The following LCLAT1 variants were observed in gnomAD, a reference collection of about 807,000 sequenced individuals.
LCLAT1 encodes 1-AGP acyltransferase 8.
In LCLAT1, 11 loss-of-function variants were observed where a neutral mutation model predicts 30.7. That is an observed-to-expected ratio of 0.36 (90% CI 0.23 to 0.59). The LOEUF (loss-of-function observed/expected upper bound fraction) is 0.59, where lower values mean the gene tolerates loss of function less well. Among genes scored for constraint, LCLAT1 ranks in the 20% least tolerant of loss-of-function variants. LCLAT1 has a pLI of 0.77. For missense variants in LCLAT1, 402 were observed against 458.6 expected, an observed-to-expected ratio of 0.88 and a Z score of 1.13; for synonymous variants, 155 against 151.3, an observed-to-expected ratio of 1.02 and a Z score of -0.18.
intron 5 of LCLAT1, among the ~76,000 whole-genome samples, chr2:30,639,780 G>A (rs1669210439): frequency 6.6e-6 from 1 of 152,164 alleles, no homozygotes; most frequent in South Asian, 2.1e-4. Flanking sequence ...GAATTCTATT[G>A]GTGTTTAAGG....
intron 3 of LCLAT1, among the ~76,000 whole-genome samples, chr2:30,546,441 A>T (rs1467209407): frequency 6.6e-6 from 1 of 152,182 alleles, no homozygotes; most frequent in African/African-American, 2.4e-5. Context: ...TTACCTTTTT[A>T]GTACACTATA....
At chr2:30,599,597 G>A (rs1001652581) in intron 5 of LCLAT1, among the ~76,000 whole-genome samples, 1 of 152,150 alleles carries the variant, frequency 6.6e-6, no homozygotes, top group African/African-American at 2.4e-5. Context: ...TCCCTTTGTA[G>A]GTCTCTAAGA....
chr2:30,503,444 T>C (rs544313399), intron 1 of LCLAT1, among the ~76,000 whole-genome samples: 1 of 152,182 alleles, frequency 6.6e-6, no homozygotes, highest in South Asian at 2.1e-4. Flanking sequence ...ATGTTTAACA[T>C]TTTGAGGACT....
intron 1 of LCLAT1, among the ~76,000 whole-genome samples, chr2:30,458,586 C>T (rs1212990617): frequency 6.6e-6 from 1 of 152,128 alleles, no homozygotes; most frequent in Non-Finnish European, 1.5e-5. Context: ...ATTGACTTTT[C>T]CTTCTGACCC....
chr2:30,507,574 G>T (rs1201639332), intron 1 of LCLAT1, among the ~76,000 whole-genome samples: 2 of 152,130 alleles, frequency 1.3e-5, no homozygotes, highest in African/African-American at 4.8e-5. Context: ...TTGGATTTCT[G>T]TTCCTGCGTT....
At chr2:30,589,519 A>G (rs1399485015) in intron 5 of LCLAT1, among the ~76,000 whole-genome samples, 1 of 151,916 alleles carries the variant, frequency 6.6e-6, no homozygotes, top group African/African-American at 2.4e-5. Context: ...CCAGAGGGAC[A>G]CTTGCCTACT....
chr2:30,547,674 C>A (rs1232254650), intron 3 of LCLAT1, among the ~76,000 whole-genome samples: 2 of 152,072 alleles, frequency 1.3e-5, no homozygotes, highest in Non-Finnish European at 2.9e-5. Flanking sequence ...CTTTTGCAGG[C>A]ATTCCCTCAA....
chr2:30,506,036 G>T (rs989990125), intron 1 of LCLAT1, among the ~76,000 whole-genome samples: 1 of 152,024 alleles, frequency 6.6e-6, no homozygotes, highest in Non-Finnish European at 1.5e-5. Flanking sequence ...GTCCTTCCTT[G>T]CTTCATTTTG....
intron 5 of LCLAT1, among the ~76,000 whole-genome samples, chr2:30,637,659 C>T (rs1669100876): frequency 6.6e-6 from 1 of 152,124 alleles, no homozygotes; most frequent in Admixed American, 6.5e-5. Context: ...CTCACTGCAA[C>T]CTCTGCCTCC....
At chr2:30,511,447 A>G (rs1352945735) in intron 1 of LCLAT1, among the ~76,000 whole-genome samples, 1 of 152,252 alleles carries the variant, frequency 6.6e-6, no homozygotes, top group Non-Finnish European at 1.5e-5. Context: ...TTGAAATATA[A>G]TTAAGTTAAA....
chr2:30,628,261 CATAAA>C (rs1425844341), intron 5 of LCLAT1, among the ~76,000 whole-genome samples: 3 of 152,004 alleles, frequency 2.0e-5, no homozygotes, highest in East Asian at 1.9e-4. Context: ...TATTAGAAGA[CATAAA>C]ATAAGATTTG....
chr2:30,544,949 TC>T (rs1664328708), intron 3 of LCLAT1, among the ~76,000 whole-genome samples: 1 of 152,168 alleles, frequency 6.6e-6, no homozygotes, highest in Non-Finnish European at 1.5e-5. Context: ...TCTTAACTGT[TC>T]CATTTGTTTA....
At chr2:30,639,650 T>C (rs538769837) in intron 5 of LCLAT1, among the ~76,000 whole-genome samples, 2 of 152,258 alleles carry the variant, frequency 1.3e-5, no homozygotes, top group African/African-American at 4.8e-5. Flanking sequence ...TCTCACCACC[T>C]AAGTCTGATT....
Position 30,576,287 on chromosome 2 carries a change from A to G in LCLAT1, c.628+8111A>G, listed in dbSNP as rs531392312. Among the ~76,000 whole-genome samples, 3 of 152,282 alleles carry G rather than the reference A, an allele frequency of 2.0e-5. No homozygotes were observed. In the East Asian group the frequency reaches 5.8e-4, roughly 29 times the overall value. ...AGTGATGACTTTCGGTAGACTTTAC[A>G]CTGACCATAAAGAATATTGTTACAT... is the stretch of plus-strand genomic sequence containing the variant. On this transcript the variant is annotated intron_variant, in intron 5 of 5. Coordinates refer to ENST00000379509, the MANE Select transcript of LCLAT1 (RefSeq NM_001002257.3).
intron 1 of LCLAT1, among the ~76,000 whole-genome samples, chr2:30,508,506 G>C (rs1684780984): frequency 6.6e-6 from 1 of 152,034 alleles, no homozygotes; most frequent in Non-Finnish European, 1.5e-5. Flanking sequence ...TATTGAATAG[G>C]GAGTCCTTTC....
chr2:30,482,944 G>A (rs1683391643), intron 1 of LCLAT1, among the ~76,000 whole-genome samples: 1 of 152,110 alleles, frequency 6.6e-6, no homozygotes, highest in Admixed American at 6.6e-5. Flanking sequence ...GAAAGTCGGA[G>A]AAACTGTCAT....
intron 5 of LCLAT1, among the ~76,000 whole-genome samples, chr2:30,588,098 A>G (rs951460978): frequency 1.3e-5 from 2 of 152,220 alleles, no homozygotes; most frequent in African/African-American, 2.4e-5. Context: ...TGAGGAAGCC[A>G]CCTTGATCAG....
At chr2:30,557,085 G>A (rs1448113476) in intron 3 of LCLAT1, among the ~76,000 whole-genome samples, 1 of 152,108 alleles carries the variant, frequency 6.6e-6, no homozygotes, top group Non-Finnish European at 1.5e-5. Flanking sequence ...CCACATCCAT[G>A]TGTGAGATTA....
At chr2:30,525,828 A>C in intron 2 of LCLAT1, 73 bp downstream of exon 2, 1 of 1,312,514 alleles carries the variant, frequency 7.6e-7, no homozygotes. Context: ...ACCTAAATCC[A>C]TGGATGTTCA....
Sources: allele counts gnomAD v4.1 joint callset (sites outside exome capture counted in the v4.1 genomes callset), GRCh38; gene constraint gnomAD v4.1.1; transcripts MANE v1.5; gene names NCBI Gene and HGNC (gene_info 2026-07-23, HGNC 2026-07-21).